The following PVT1 variants were observed in gnomAD, a reference collection of about 807,000 sequenced individuals.
The protein encoded by PVT1 is CXCR4/PVT1 fusion.
chr8:127,986,584 CCT>C (rs1816973084), intron 3 of PVT1, among the ~76,000 whole-genome samples: 1 of 152,220 alleles, frequency 6.6e-6, no homozygotes. Context: ...CTCTTCACTC[CCT>C]GTTTCTCCCA....
intron 2 of PVT1, among the ~76,000 whole-genome samples, chr8:127,862,344 G>T (rs1203494512): frequency 5.9e-5 from 9 of 151,712 alleles, no homozygotes; most frequent in Non-Finnish European, 1.2e-4. Flanking sequence ...GGAGGCAGAG[G>T]TTGCAGTAAG....
chr8:128,028,386 C>T (rs1296327634), intron 4 of PVT1, among the ~76,000 whole-genome samples: 3 of 152,262 alleles, frequency 2.0e-5, no homozygotes, highest in African/African-American at 7.2e-5. Context: ...AGTCCTTTCC[C>T]AGGCTCCCTG....
chr8:128,058,290 G>A (rs1248151567), intron 4 of PVT1, among the ~76,000 whole-genome samples: 7 of 151,856 alleles, frequency 4.6e-5, no homozygotes, highest in Non-Finnish European at 7.4e-5. Flanking sequence ...TTTATTTCAC[G>A]TCTTATTATA....
intron 3 of PVT1, among the ~76,000 whole-genome samples, chr8:127,900,885 T>C (rs1463351186): frequency 6.6e-6 from 1 of 152,170 alleles, no homozygotes; most frequent in Non-Finnish European, 1.5e-5. Flanking sequence ...CACCACTATA[T>C]ACCTCTGCCA....
intron 2 of PVT1, among the ~76,000 whole-genome samples, chr8:127,867,214 C>T (rs1217016979): frequency 6.6e-6 from 1 of 152,226 alleles, no homozygotes; most frequent in Non-Finnish European, 1.5e-5. Context: ...CAGCCAAGGT[C>T]AGGCTGTCAG....
At chr8:128,053,565 G>C (rs953452634) in intron 4 of PVT1, among the ~76,000 whole-genome samples, 12 of 152,068 alleles carry the variant, frequency 7.9e-5, no homozygotes, top group African/African-American at 2.9e-4. Context: ...AGGCTCCTCA[G>C]AATGGCTTTG....
At chr8:127,836,720 C>G (rs1322352581) in intron 2 of PVT1, among the ~76,000 whole-genome samples, 1 of 152,188 alleles carries the variant, frequency 6.6e-6, no homozygotes, top group African/African-American at 2.4e-5. Flanking sequence ...CCACAGTTGT[C>G]TCCATGTTAC....
intron 5 of PVT1, among the ~76,000 whole-genome samples, chr8:128,079,891 AT>A (rs1038170608): frequency 6.6e-6 from 1 of 151,908 alleles, no homozygotes; most frequent in Non-Finnish European, 1.5e-5. Flanking sequence ...TGCCTGGCTA[AT>A]TTTTTGTATT....
intron 5 of PVT1, among the ~76,000 whole-genome samples, chr8:128,081,646 A>G (rs1289751725): frequency 6.6e-6 from 1 of 152,186 alleles, no homozygotes; most frequent in Non-Finnish European, 1.5e-5. Context: ...TCTGAGTGTG[A>G]GATCCACATC....
intron 2 of PVT1, among the ~76,000 whole-genome samples, chr8:127,835,129 A>G (rs1266721233): frequency 6.6e-6 from 1 of 152,222 alleles, no homozygotes; most frequent in Non-Finnish European, 1.5e-5. Context: ...TCATTCTACT[A>G]TAAAGACACA....
intron 6 of PVT1, among the ~76,000 whole-genome samples, chr8:128,098,307 G>T (rs1246433356): frequency 6.6e-6 from 1 of 152,184 alleles, no homozygotes; most frequent in Admixed American, 6.5e-5. Flanking sequence ...AATCTCGGGA[G>T]ATTCTGAACT....
intron 2 of PVT1, among the ~76,000 whole-genome samples, chr8:127,797,889 G>A (rs564261232): frequency 1.5e-4 from 23 of 152,286 alleles, no homozygotes; most frequent in African/African-American, 5.3e-4. Context: ...CCACAGCCCA[G>A]AGAGGTTAAA....
At chr8:127,868,787 A>ACACG (rs756298457) in intron 2 of PVT1, among the ~76,000 whole-genome samples, 4 of 75,158 alleles carry the variant, frequency 5.3e-5, no homozygotes, top group African/African-American at 4.9e-4. Flanking sequence ...ATATATATAT[A>ACACG]TATATACATA....
intron 3 of PVT1, chr8:127,960,615 A>G (rs1274630449): frequency 4.1e-6 from 2 of 487,638 alleles, no homozygotes; most frequent in Non-Finnish European, 8.4e-6. Flanking sequence ...AAGATAGGGA[A>G]AGTGAACACT....
At position 127,851,005 on chromosome 8, in the gene PVT1, T is replaced by TCA. The variant is rs947626113; in HGVS notation, n.373-39583_373-39582dup. On this transcript the variant is annotated intron_variant and non_coding_transcript_variant, in intron 2 of 10. Coordinates refer to ENST00000651587, the Ensembl canonical transcript of PVT1. The stretch of plus-strand genomic sequence containing the variant: ...TTGGGTGATAGAGGGAGACTCTGTC[T>TCA]CAAAAAAAAAAATTAAAAAAAAATA... Among the ~76,000 whole-genome samples the TCA allele has an allele frequency of 4.7e-4, 65 of 138,392 alleles. 2 individuals are homozygous for TCA. Among genetic ancestry groups the TCA allele is most frequent in the African/African-American group, 1.8e-3 (56 of 30,996 alleles). 90.8% of individuals were successfully genotyped at this position (138,392 alleles called of 152,430 possible). A position where few individuals can be genotyped will look rare whatever the true frequency, so the allele number is the denominator to read the frequency against.
chr8:128,009,827 G>A (rs2130033454), intron 4 of PVT1: 1 of 152,298 alleles, frequency 6.6e-6, no homozygotes, highest in African/African-American at 2.4e-5. Flanking sequence ...GTAAAAATAT[G>A]CAAGTGTGGT....
intron 2 of PVT1, among the ~76,000 whole-genome samples, chr8:127,853,714 G>C (rs1815129949): frequency 6.6e-6 from 1 of 151,984 alleles, no homozygotes; most frequent in South Asian, 2.1e-4. Context: ...CTGGGAGGCA[G>C]AGACTGTAAT....
At chr8:127,923,897 G>A (rs1038221385) in intron 3 of PVT1, among the ~76,000 whole-genome samples, 2 of 152,212 alleles carry the variant, frequency 1.3e-5, no homozygotes, top group Admixed American at 6.5e-5. Context: ...CCCTGCATCA[G>A]CCTTCCCAAG....
chr8:128,015,706 G>A (rs1817364680), intron 4 of PVT1, among the ~76,000 whole-genome samples: 1 of 146,118 alleles, frequency 6.8e-6, no homozygotes. Flanking sequence ...CTGGGAGGCG[G>A]AGGTTGCAGT....
Sources: gnomAD v4.1 joint callset for allele counts (sites outside exome capture counted in the v4.1 genomes callset) on GRCh38, gnomAD v4.1.1 for gene constraint, MANE v1.5 for transcripts, NCBI Gene and HGNC (gene_info 2026-07-23, HGNC 2026-07-21) for gene names.